AZIN2: variants seen among roughly 807,000 people sequenced by gnomAD.
AZIN2 encodes ODC antizyme inhibitor-2.
AZIN2 carries 28 observed loss-of-function variants against 47.8 expected under a neutral mutation model. The observed-to-expected ratio is 0.59, with a 90% CI of 0.43 to 0.80. The LOEUF (loss-of-function observed/expected upper bound fraction) is 0.80. Among genes scored for constraint, AZIN2 ranks in the 30% least tolerant of loss-of-function variants. The probability of loss-of-function intolerance (pLI) is 0.00; values close to 1 mark genes in which losing one functional copy is unlikely to be tolerated. For missense variants in AZIN2, 535 were observed against 582.5 expected, an observed-to-expected ratio of 0.92 and a Z score of 0.84; for synonymous variants, 221 against 239.4, an observed-to-expected ratio of 0.92 and a Z score of 0.71.
intron 5 of AZIN2, 39 bp downstream of exon 5, chr1:33,084,166 C>A (rs778635264): frequency 6.3e-7 from 1 of 1,599,228 alleles, no homozygotes; most frequent in Admixed American, 1.7e-5. Flanking sequence ...CCTCCATGCC[C>A]ACTGAACACA....
chr1:33,149,740 C>A, the AZIN2 span, among the ~76,000 whole-genome samples: 4 of 152,230 alleles, frequency 2.6e-5, no homozygotes, highest in Non-Finnish European at 5.9e-5. Flanking sequence ...TAGGTGTGAG[C>A]CACTGCACCT....
At chr1:33,136,115 C>CT in the AZIN2 span, among the ~76,000 whole-genome samples, 458 of 30,256 alleles carry the variant, frequency 0.015, 8 homozygotes, top group African/African-American at 0.047. Flanking sequence ...GGGGCCAGCC[C>CT]TTCCTTCCTT....
In AZIN2 at chr1:33,120,129, A is replaced by G. The variant is rs1570241780; in HGVS notation, c.1330A>G (p.Ile444Val). The change falls in exon 12 of 12, where the codon ATC becomes GTC. Residue 444 changes from isoleucine to valine, a missense_variant. By Grantham distance (29) the Ile-to-Val change is conservative. Transcript: ENST00000294517. Reference sequence around the variant, plus strand: ...CAAGCCTCTGTCCTGCGGCTGGGAGATCACAGACACCCTGTGCGTGGGCCC... The same window carrying G: ...CAAGCCTCTGTCCTGCGGCTGGGAGGTCACAGACACCCTGTGCGTGGGCCC... ...VCKPLSCGWE[I>V]TDTLCVGPVF... 6.2e-7 allele frequency: 1 copy of G among 1,613,858 alleles called. No homozygotes were observed. Among genetic ancestry groups the G allele is most frequent in the South Asian group, 1.1e-5 (1 of 91,084 alleles).
intron 5 of AZIN2, among the ~76,000 whole-genome samples, chr1:33,090,886 T>C (rs762860050): frequency 1.3e-5 from 2 of 152,168 alleles, no homozygotes; most frequent in Non-Finnish European, 2.9e-5. Flanking sequence ...GCAACCACCA[T>C]TCTATGCTGC....
Position 33,094,669 on chromosome 1 carries a change from G to A in AZIN2, c.709G>A (p.Gly237Ser). Residue 237 changes from glycine (G) to serine (S), a missense_variant, in exon 8 of 12, where the codon GGT becomes AGT. Around this residue, in one of 3 missense-constraint regions of AZIN2, gnomAD observed 409 missense variants for 429.0 expected, o/e 0.95. Transcript: ENST00000294517. The part of the protein sequence containing the change: ...GHKMHVLDLG[G>S]GFPGTEGAKV... ...CAAGATGCACGTTCTGGACCTTGGT[G>A]GTGGCTTCCCTGGCACAGAAGGGGC... The A allele has an allele frequency of 2.5e-6, 4 of 1,614,190 alleles. No homozygotes were observed. Among genetic ancestry groups the A allele is most frequent in the Non-Finnish European group, 3.4e-6 (4 of 1,180,034 alleles).
chr1:33,161,717 C>T, the AZIN2 span, among the ~76,000 whole-genome samples: 1 of 152,156 alleles, frequency 6.6e-6, no homozygotes, highest in Non-Finnish European at 1.5e-5. The surrounding 1 kb of genome is among the most constrained non-coding windows in gnomAD (Gnocchi z 4.3). Context: ...GTCCGTCGTC[C>T]CTGCACCACC....
chr1:33,118,290 G>A (rs1398732047), intron 11 of AZIN2, 174 bp downstream of exon 11: 1 of 675,558 alleles, frequency 1.5e-6, no homozygotes, highest in Non-Finnish European at 2.3e-6. Context: ...GTGAGGCTGG[G>A]CTTTCCTAGA....
Position 33,084,040 on chromosome 1 carries a change from G to T in AZIN2, c.192G>T (p.Arg64=). Reference sequence around the variant, plus strand: ...TTCTGAAGTGCCTGCCACGAGTCCGGCCCTTTTATGCTGTCAAGTGCAACA... The same window carrying T: ...TTCTGAAGTGCCTGCCACGAGTCCGTCCCTTTTATGCTGTCAAGTGCAACA... ...FCFLKCLPRV[R]PFYAVKCNSS... Residue 64 remains arginine (R), a synonymous_variant, in exon 5 of 12, where the codon CGG becomes CGT. Transcript: ENST00000294517. The T allele has an allele frequency of 6.2e-7, 1 of 1,614,134 alleles. No individual in the cohort carries two copies. Among genetic ancestry groups the T allele is most frequent in the Non-Finnish European group, 8.5e-7 (1 of 1,180,044 alleles).
intron 9 of AZIN2, 143 bp downstream of exon 9, chr1:33,097,012 C>T (rs1643229281): frequency 1.0e-6 from 1 of 956,816 alleles, no homozygotes; most frequent in Admixed American, 2.6e-5. Flanking sequence ...GGGAAACTTT[C>T]AGTCAAGTCG....
At chr1:33,114,886 G>A (rs1176376114) in intron 10 of AZIN2, among the ~76,000 whole-genome samples, 4 of 149,792 alleles carry the variant, frequency 2.7e-5, no homozygotes, top group Admixed American at 1.3e-4. Context: ...CAAGTGATGC[G>A]CCCGTGTCCG....
chr1:33,146,014 G>A, the AZIN2 span: 1,553 of 425,188 alleles, frequency 3.7e-3, 9 homozygotes, highest in Admixed American at 7.5e-3. Context: ...GGCACGGACC[G>A]TGGCAGAGGG....
chr1:33,164,536 G>A, the AZIN2 span: 1 of 152,386 alleles, frequency 6.6e-6, no homozygotes, highest in Non-Finnish European at 1.5e-5. Flanking sequence ...CACACAGTGA[G>A]TTAGTGGTGG....
chr1:33,147,170 G>C, the AZIN2 span: 1 of 1,612,138 alleles, frequency 6.2e-7, no homozygotes, highest in Non-Finnish European at 8.5e-7. The surrounding 1 kb of genome is among the most constrained non-coding windows in gnomAD (Gnocchi z 8.1). Context: ...GTCTCCTTCT[G>C]CCTGGACTAG....
At chr1:33,127,712 A>T (rs1026067684), downstream of AZIN2, among the ~76,000 whole-genome samples, 2 of 152,230 alleles carry the variant, frequency 1.3e-5, no homozygotes, top group African/African-American at 4.8e-5. Context: ...GTCCTTCTCA[A>T]CCATCAATTT....
At position 33,120,372 on chromosome 1, in the gene AZIN2, C is replaced by T; in HGVS notation, c.*190C>T. 1.3e-6 allele frequency: 1 copy of T among 774,988 alleles called. No individual in the cohort carries two copies. The highest frequency in any genetic ancestry group is 2.8e-5 in the East Asian group (1 of 35,700). The allele number at this position is 774,988 out of a possible 1,614,324, so 48.0% of individuals were successfully genotyped here. A position where few individuals can be genotyped will look rare whatever the true frequency, so the allele number is the denominator to read the frequency against. On this transcript the variant is annotated 3_prime_UTR_variant, in exon 12 of 12. Transcript: ENST00000294517. ...TTACACTCGCTGTAGTTCAAGTATGCAACATAAATCCTGTTCCTTCCAGCT... is the reference window on the plus strand; with the variant it reads ...TTACACTCGCTGTAGTTCAAGTATGTAACATAAATCCTGTTCCTTCCAGCT...
Position 33,096,755 on chromosome 1 carries a change from T to C in AZIN2, c.802T>C (p.Cys268Arg). ...CTTGGACCTGTACTTCCCAGAGGGC[T>C]GTGGCGTGGACATCTTTGCTGAGCT... ...SALDLYFPEG[C>R]GVDIFAELGR... The change falls in exon 9 of 12, where the codon TGT (cysteine) becomes CGT (arginine). Residue 268 changes from cysteine (C) to arginine (R), a missense_variant. Around this residue, in one of 3 missense-constraint regions of AZIN2, gnomAD observed 409 missense variants for 429.0 expected, o/e 0.95. Transcript: ENST00000294517. 1 of 1,614,248 alleles carries C rather than the reference T, an allele frequency of 6.2e-7. No individual in the cohort carries two copies. The highest frequency in any genetic ancestry group is 8.5e-7 in the Non-Finnish European group (1 of 1,180,052).
At chr1:33,084,214 A>C in intron 5 of AZIN2, 87 bp downstream of exon 5, 1 of 1,522,666 alleles carries the variant, frequency 6.6e-7, no homozygotes, top group Non-Finnish European at 8.9e-7. Flanking sequence ...TCTGGGGAGC[A>C]AGAGGTACCT....
At chr1:33,146,863 G>A in the AZIN2 span, 160 of 402,148 alleles carry the variant, frequency 4.0e-4, 1 homozygote, top group African/African-American at 2.7e-3. Context: ...GGGAGACACT[G>A]GAAGGTAGTC....
At chr1:33,147,241 G>C in the AZIN2 span, 1 of 1,614,060 alleles carries the variant, frequency 6.2e-7, no homozygotes, top group Non-Finnish European at 8.5e-7. The surrounding 1 kb of genome is among the most constrained non-coding windows in gnomAD (Gnocchi z 8.1). Context: ...GCTCTGGCCA[G>C]GGCTGAAGTA....
Sources: gnomAD v4.1 joint callset for allele counts (sites outside exome capture counted in the v4.1 genomes callset) on GRCh38, gnomAD v4.1.1 for gene constraint, gnomAD v4.1.1 regional missense constraint, Gnocchi (gnomAD v3.1) non-coding constraint, MANE v1.5 for transcripts, NCBI Gene and HGNC (gene_info 2026-07-23, HGNC 2026-07-21) for gene names.